Variants in PACRG observed in about 807,000 individuals in gnomAD.
The protein encoded by PACRG is parkin coregulated gene protein.
A neutral mutation model predicts 29.7 loss-of-function variants in PACRG; 29 were observed. That is an observed-to-expected ratio of 0.98 (90% CI 0.73 to 1.33). The LOEUF is 1.33. Among genes scored for constraint, PACRG ranks in the 40% most tolerant of loss-of-function variants. The probability of loss-of-function intolerance (pLI) is 0.00; values close to 1 mark genes in which losing one functional copy is unlikely to be tolerated. For missense variants in PACRG, 279 were observed against 316.2 expected, an observed-to-expected ratio of 0.88 and a Z score of 0.89; for synonymous variants, 116 against 118.7, an observed-to-expected ratio of 0.98 and a Z score of 0.15.
At chr6:163,013,700 A>G (rs1217430086) in intron 2 of PACRG, among the ~76,000 whole-genome samples, 2 of 152,182 alleles carry the variant, frequency 1.3e-5, no homozygotes, top group Non-Finnish European at 2.9e-5. Flanking sequence ...AATCCATCAC[A>G]TCTAACTTTG....
chr6:162,762,146 A>G (rs1782424280), intron 1 of PACRG, among the ~76,000 whole-genome samples: 2 of 152,018 alleles, frequency 1.3e-5, no homozygotes, highest in South Asian at 4.1e-4. Flanking sequence ...ATAATAAATC[A>G]AGTGAATGAG....
intron 2 of PACRG, among the ~76,000 whole-genome samples, chr6:162,972,594 T>G (rs993665338): frequency 6.6e-6 from 1 of 152,204 alleles, no homozygotes; most frequent in African/African-American, 2.4e-5. Flanking sequence ...ACCTGCAGAT[T>G]GGATATATCA....
At chr6:163,169,327 A>T (rs916211581) in intron 4 of PACRG, among the ~76,000 whole-genome samples, 19 of 152,246 alleles carry the variant, frequency 1.2e-4, no homozygotes, top group African/African-American at 3.9e-4. Flanking sequence ...CTCAGCCTGG[A>T]GAAAATGAGG....
chr6:162,789,196 C>A (rs1203490105), intron 1 of PACRG, among the ~76,000 whole-genome samples: 2 of 151,810 alleles, frequency 1.3e-5, no homozygotes, highest in Admixed American at 6.6e-5. Context: ...ATGTTTCTTC[C>A]CTGTTTTGAT....
chr6:163,287,037 T>C (rs533587583), intron 4 of PACRG, among the ~76,000 whole-genome samples: 72 of 152,282 alleles, frequency 4.7e-4, no homozygotes, highest in Non-Finnish European at 8.7e-4. Flanking sequence ...CGTGTGTGTG[T>C]GTGTGTCTTC....
chr6:163,072,165 G>A (rs491272), intron 3 of PACRG, among the ~76,000 whole-genome samples: 78,011 of 151,334 alleles, frequency 0.52, 23,571 homozygotes, highest in East Asian at 0.96. Context: ...CCAAGCTAAT[G>A]TCACTAATAA....
intron 1 of PACRG, among the ~76,000 whole-genome samples, chr6:162,805,924 T>C (rs922565401): frequency 7.9e-5 from 12 of 152,186 alleles, no homozygotes; most frequent in Admixed American, 3.3e-4. Flanking sequence ...TTCATGAGGA[T>C]TGGAATCATC....
intron 4 of PACRG, among the ~76,000 whole-genome samples, chr6:163,216,069 A>AT (rs1204547541): frequency 1.3e-5 from 2 of 152,156 alleles, no homozygotes; most frequent in African/African-American, 4.8e-5. Context: ...TTTAGAGATC[A>AT]TTTTTCAATT....
intron 1 of PACRG, among the ~76,000 whole-genome samples, chr6:162,741,509 A>ATCTC (rs57619507): frequency 5.4e-5 from 8 of 149,210 alleles, no homozygotes; most frequent in Non-Finnish European, 7.5e-5. Context: ...TGAGGAGAGC[A>ATCTC]TCTCTCTCTC....
intron 2 of PACRG, among the ~76,000 whole-genome samples, chr6:162,974,151 C>T (rs1275294334): frequency 6.6e-6 from 1 of 151,968 alleles, no homozygotes; most frequent in Non-Finnish European, 1.5e-5. Context: ...ATTGACGGGG[C>T]TCGCTCAAGT....
rs571996885 is a variant in PACRG at position 162,856,235 on chromosome 6, T to G, written c.291+41954T>G. On this transcript the variant is annotated intron_variant, in intron 2 of 4. Coordinates refer to ENST00000366888, the MANE Select transcript of PACRG (RefSeq NM_001080379.2). The stretch of plus-strand genomic sequence containing the variant: ...CACCATGCCTGGTAATTTTTTAAAT[T>G]TTTTGTAGAGATAGGGTCTCACTCT... Among the ~76,000 whole-genome samples, 19 of 152,188 alleles carry G rather than the reference T, an allele frequency of 1.2e-4. No individual in the cohort carries two copies. The South Asian group carries it at 3.9e-3, about 32-fold the overall frequency.
chr6:163,076,652 T>G (rs944553966), intron 3 of PACRG, among the ~76,000 whole-genome samples: 1 of 152,252 alleles, frequency 6.6e-6, no homozygotes, highest in Non-Finnish European at 1.5e-5. Context: ...CCCTGTGCTC[T>G]AGCCAAACCG....
At chr6:163,033,046 A>C (rs1807815598) in intron 2 of PACRG, among the ~76,000 whole-genome samples, 1 of 152,178 alleles carries the variant, frequency 6.6e-6, no homozygotes, top group Admixed American at 6.5e-5. Flanking sequence ...CTTCATCCTA[A>C]CTTAAAACAA....
At chr6:162,877,080 T>G (rs1260098442) in intron 2 of PACRG, among the ~76,000 whole-genome samples, 1 of 152,156 alleles carries the variant, frequency 6.6e-6, no homozygotes, top group Non-Finnish European at 1.5e-5. Context: ...GCAATCCCAT[T>G]ACTGGATATA....
At chr6:163,047,597 A>G (rs190145736) in intron 2 of PACRG, among the ~76,000 whole-genome samples, 2 of 152,314 alleles carry the variant, frequency 1.3e-5, no homozygotes, top group Admixed American at 1.3e-4. Flanking sequence ...ACTGACCTTT[A>G]GCTGTCTTTT....
At chr6:162,886,771 A>G (rs1284691171) in intron 2 of PACRG, among the ~76,000 whole-genome samples, 1 of 152,152 alleles carries the variant, frequency 6.6e-6, no homozygotes, top group Non-Finnish European at 1.5e-5. Context: ...AGACACATTC[A>G]TTTGCTTTTT....
intron 2 of PACRG, among the ~76,000 whole-genome samples, chr6:162,968,554 C>T (rs1801242752): frequency 1.3e-5 from 2 of 152,188 alleles, no homozygotes; most frequent in African/African-American, 4.8e-5. Context: ...GAATGATACA[C>T]ATTTCTGAGT....
intron 1 of PACRG, among the ~76,000 whole-genome samples, chr6:162,789,953 A>G (rs1194588337): frequency 6.6e-6 from 1 of 152,154 alleles, no homozygotes; most frequent in Non-Finnish European, 1.5e-5. Context: ...GTAACACCTG[A>G]TCATAAAATC....
At chr6:163,005,542 C>A (rs558682489) in intron 2 of PACRG, among the ~76,000 whole-genome samples, 61 of 151,732 alleles carry the variant, frequency 4.0e-4, no homozygotes, top group Middle Eastern at 6.8e-3. Context: ...CTTATTTGTT[C>A]TTTGACACAT....
Sources: gnomAD v4.1 joint callset for allele counts (sites outside exome capture counted in the v4.1 genomes callset) on GRCh38, gnomAD v4.1.1 for gene constraint, MANE v1.5 for transcripts, NCBI Gene and HGNC (gene_info 2026-07-23, HGNC 2026-07-21) for gene names.